Variants in OLFM2 observed in about 807,000 individuals in gnomAD.
OLFM2 encodes olfactomedin 2, also known as noelin-2.
In OLFM2, 20 loss-of-function variants were observed where a neutral mutation model predicts 43.9. The ratio of observed to expected loss-of-function variants is 0.46; its 90% CI spans 0.32 to 0.66. The LOEUF (loss-of-function observed/expected upper bound fraction) is 0.66, where lower values mean the gene tolerates loss of function less well. Ranked by LOEUF, OLFM2 falls within the 30% of genes least tolerant of loss-of-function variation. OLFM2 has a pLI of 0.04. For synonymous variants in OLFM2, 268 were observed against 278.6 expected (o/e 0.96, Z 0.38); for missense variants, 416 against 643.6 (o/e 0.65, Z 3.83).
chr19:9,876,045 C>T (rs974622501), intron 1 of OLFM2, among the ~76,000 whole-genome samples: 2 of 152,188 alleles, frequency 1.3e-5, no homozygotes, highest in African/African-American at 4.8e-5. Context: ...ATCTCCCCGC[C>T]ACCGAGGTCC....
chr19:9,906,991 C>T (rs1054469937), intron 1 of OLFM2, among the ~76,000 whole-genome samples: 2 of 152,074 alleles, frequency 1.3e-5, no homozygotes, highest in African/African-American at 4.8e-5. Context: ...CCTAGAGGGA[C>T]GCCCTCCTGA....
At chr19:9,869,627 T>G (rs34648513) in intron 1 of OLFM2, among the ~76,000 whole-genome samples, 2,567 of 152,278 alleles carry the variant, frequency 0.017, 33 homozygotes, top group Middle Eastern at 0.034. Context: ...ATTATTTTTA[T>G]TTTTTAAGAG....
intron 1 of OLFM2, among the ~76,000 whole-genome samples, chr19:9,919,152 C>CATG (rs2086403487): frequency 6.6e-6 from 1 of 151,160 alleles, no homozygotes; most frequent in African/African-American, 2.4e-5. Flanking sequence ...GCCTGGGCAA[C>CATG]GCAGTGAGAC....
In OLFM2 at chr19:9,854,341, C is replaced by G. The variant is rs200863855; in HGVS notation, c.1210G>C (p.Glu404Gln). 1.9e-6 allele frequency: 3 copies of G among 1,614,040 alleles called. No homozygotes were observed. The highest frequency in any genetic ancestry group is 2.5e-6 in the Non-Finnish European group (3 of 1,180,048). ...FAYFTNTSSY[E>Q]YTDVPFHNQY... ...TTGTGGAAGGGCACGTCCGTGTACT[C>G]GTAACTGGACGTGTTGGTAAAATAG... Residue 404 changes from glutamate (E) to glutamine (Q), a missense_variant, in exon 6 of 6, where the codon GAG becomes CAG. By Grantham distance (29) the Glu-to-Gln change is conservative. Coordinates refer to ENST00000264833, the MANE Select transcript of OLFM2 (RefSeq NM_058164.4). The surrounding 1 kb of genome is among the most constrained non-coding windows in gnomAD (Gnocchi z 9.5).
Position 9,861,444 on chromosome 19 carries a change from G to A in OLFM2, c.64-650C>T, listed in dbSNP as rs143475506. Among the ~76,000 whole-genome samples the A allele has an allele frequency of 6.2e-3, 946 of 152,186 alleles. 7 individuals are homozygous for A. Among genetic ancestry groups the A allele is most frequent in the African/African-American group, 0.022 (903 of 41,506 alleles). On this transcript the variant is annotated intron_variant, in intron 1 of 5. Coordinates refer to ENST00000264833, the MANE Select transcript of OLFM2 (RefSeq NM_058164.4). ...CTCCCAAAGTGCTGGCATTACAGGCGTGAGCCACCGTGCCCGGCCATCAGG... is the reference window on the plus strand; with the variant it reads ...CTCCCAAAGTGCTGGCATTACAGGCATGAGCCACCGTGCCCGGCCATCAGG...
intron 1 of OLFM2, among the ~76,000 whole-genome samples, chr19:9,933,281 G>C (rs2086494911): frequency 6.6e-6 from 1 of 152,174 alleles, no homozygotes; most frequent in East Asian, 1.9e-4. Context: ...CTGTTGCCTA[G>C]GCTGGAGTGC....
In OLFM2 at chr19:9,868,354, G is replaced by A. The variant is rs539242767; in HGVS notation, c.64-7560C>T. Among the ~76,000 whole-genome samples the A allele has an allele frequency of 4.6e-5, 7 of 152,000 alleles. No individual in the cohort carries two copies. The South Asian group carries it at 6.2e-4, about 14-fold the overall frequency. On this transcript the variant is annotated intron_variant, in intron 1 of 5. Transcript: ENST00000264833. ...TGGGATTACAGGTGTGAGCCACCAC[G>A]CCTGGCCCAGGCTAATTTTTAAAAA...
intron 1 of OLFM2, among the ~76,000 whole-genome samples, chr19:9,884,698 A>G (rs1285451963): frequency 6.6e-6 from 1 of 152,110 alleles, no homozygotes; most frequent in African/African-American, 2.4e-5. Flanking sequence ...TCCTGTGCAC[A>G]TCTCCACAGC....
intron 1 of OLFM2, among the ~76,000 whole-genome samples, chr19:9,912,864 A>C (rs2046838492): frequency 6.6e-6 from 1 of 151,880 alleles, no homozygotes; most frequent in African/African-American, 2.4e-5. Context: ...GGAGAGAAAA[A>C]GAGAGAAAAA....
At chr19:9,921,256 ACAG>A (rs1311187129) in intron 1 of OLFM2, among the ~76,000 whole-genome samples, 2 of 151,984 alleles carry the variant, frequency 1.3e-5, no homozygotes, top group Non-Finnish European at 2.9e-5. Context: ...AGCTGGGACT[ACAG>A]TCACATGCCA....
intron 1 of OLFM2, among the ~76,000 whole-genome samples, chr19:9,865,056 C>T (rs1003314245): frequency 6.6e-6 from 1 of 151,914 alleles, no homozygotes; most frequent in Non-Finnish European, 1.5e-5. Context: ...AAGAGCCTGA[C>T]CTAAGACAAC....
chr19:9,907,472 T>TAAAC (rs371748877), intron 1 of OLFM2, among the ~76,000 whole-genome samples: 1 of 151,226 alleles, frequency 6.6e-6, no homozygotes, highest in Middle Eastern at 3.2e-3. Context: ...AATAAATGAA[T>TAAAC]AAACAAACAA....
In OLFM2 at chr19:9,914,679, C is replaced by T. The variant is rs556162632; in HGVS notation, c.63+21625G>A. 4.6e-5 allele frequency among the ~76,000 whole-genome samples: 7 copies of T among 152,176 alleles called. No homozygotes were observed. The South Asian group carries it at 1.5e-3, about 32-fold the overall frequency. On this transcript the variant is annotated intron_variant, in intron 1 of 5. Coordinates refer to ENST00000264833, the MANE Select transcript of OLFM2 (RefSeq NM_058164.4). ...CGGCCCCGGGGACCCCGCTCCCGGC[C>T]CGCTCCCTCGGGGGAGCGGGAAGCG...
At chr19:9,896,785 T>C (rs967535850) in intron 1 of OLFM2, among the ~76,000 whole-genome samples, 5 of 152,204 alleles carry the variant, frequency 3.3e-5, no homozygotes, top group Non-Finnish European at 7.3e-5. Flanking sequence ...GCCAATTATA[T>C]TTATTTGCAA....
intron 1 of OLFM2, among the ~76,000 whole-genome samples, chr19:9,905,456 CAAAAT>C (rs749400741): frequency 5.3e-5 from 8 of 151,440 alleles, no homozygotes; most frequent in African/African-American, 4.8e-5. Context: ...GACTCCATCT[CAAAAT>C]AAAATAAAAT....
intron 1 of OLFM2, among the ~76,000 whole-genome samples, chr19:9,876,537 G>A (rs1225159042): frequency 6.6e-6 from 1 of 152,120 alleles, no homozygotes; most frequent in Non-Finnish European, 1.5e-5. Context: ...CCTGCGGGTG[G>A]CAAGTCCACT....
In OLFM2 at chr19:9,860,809, G is replaced by A; in HGVS notation, c.64-15C>T. 6.3e-7 allele frequency: 1 copy of A among 1,596,814 alleles called. No homozygotes were observed. Among genetic ancestry groups the A allele is most frequent in the Middle Eastern group, 1.7e-4 (1 of 5,852 alleles). ...TGGAAGAGAGTCTGCAAAGAGGTGG[G>A]GGTCAGAGACCGGAATCCCAGTGAG... On this transcript the variant is annotated splice_polypyrimidine_tract_variant and intron_variant, in intron 1 of 5. Transcript: ENST00000264833.
rs1314398524 is a variant in OLFM2 at position 9,869,826 on chromosome 19, C to A, written c.64-9032G>T. Among the ~76,000 whole-genome samples, 4 of 152,080 alleles carry A rather than the reference C, an allele frequency of 2.6e-5. No individual in the cohort carries two copies. The South Asian group carries it at 8.3e-4, about 32-fold the overall frequency. On this transcript the variant is annotated intron_variant, in intron 1 of 5. Coordinates refer to ENST00000264833, the MANE Select transcript of OLFM2 (RefSeq NM_058164.4). ...GAGATGGGAGTCTTGCTATAATTGCCCAAGCTGTGTTTGAACTCGTGGCCT... is the reference window on the plus strand; with the variant it reads ...GAGATGGGAGTCTTGCTATAATTGCACAAGCTGTGTTTGAACTCGTGGCCT...
At position 9,860,808 on chromosome 19, in the gene OLFM2, G is replaced by T. The variant is rs377466457; in HGVS notation, c.64-14C>A. The T allele has an allele frequency of 1.3e-6, 2 of 1,597,470 alleles. No homozygotes were observed. The highest frequency in any genetic ancestry group is 2.2e-5 in the East Asian group (1 of 44,614). On this transcript the variant is annotated splice_polypyrimidine_tract_variant and intron_variant, in intron 1 of 5. Coordinates refer to ENST00000264833, the MANE Select transcript of OLFM2 (RefSeq NM_058164.4). ...CTGGAAGAGAGTCTGCAAAGAGGTG[G>T]GGGTCAGAGACCGGAATCCCAGTGA...
Sources: gnomAD v4.1 joint callset for allele counts (sites outside exome capture counted in the v4.1 genomes callset) on GRCh38, gnomAD v4.1.1 for gene constraint, Gnocchi (gnomAD v3.1) non-coding constraint, MANE v1.5 for transcripts, NCBI Gene and HGNC (gene_info 2026-07-23, HGNC 2026-07-21) for gene names.